The following COL1A1 variants were observed in gnomAD, a reference collection of about 807,000 sequenced individuals.
COL1A1 encodes the protein collagen type I alpha 1 chain.
Under a neutral mutation model 195.7 loss-of-function variants are expected in COL1A1, and 21 were observed. The observed-to-expected ratio is 0.11, with a 90% CI of 0.08 to 0.15. The LOEUF (loss-of-function observed/expected upper bound fraction) is 0.15, where lower values mean the gene tolerates loss of function less well. COL1A1 is among the 10% of genes least tolerant of loss of function. The probability of loss-of-function intolerance (pLI) is 1.00; values close to 1 mark genes in which losing one functional copy is unlikely to be tolerated. For synonymous variants in COL1A1, 749 were observed against 747.3 expected (o/e 1.00, Z -0.04); for missense variants, 1,365 against 2,051.0 (o/e 0.67, Z 6.46).
chr17:50,193,845 G>T, intron 25 of COL1A1, 98 bp downstream of exon 25: 1 of 1,075,114 alleles, frequency 9.3e-7, no homozygotes, highest in Non-Finnish European at 1.4e-6. Flanking sequence ...GTGGCCACAC[G>T]GCAGGTCAGC....
At position 50,189,526 on chromosome 17, in the gene COL1A1, G is replaced by A; in HGVS notation, c.2680C>T (p.Pro894Ser). 6.2e-7 allele frequency: 1 copy of A among 1,613,946 alleles called. No individual in the cohort carries two copies. The highest frequency in any genetic ancestry group is 1.6e-4 in the Middle Eastern group (1 of 6,062). The change falls in exon 39 of 51, where the codon CCC becomes TCC. Residue 894 changes from proline to serine, a missense_variant. Coordinates refer to ENST00000225964, the MANE Select transcript of COL1A1 (RefSeq NM_000088.4). This position sits in a 1 kb window ranked among gnomAD's most constrained non-coding sequence, Gnocchi z 5.5. Reference sequence around the variant, plus strand: ...CCAGCAGGACCAGGAGGGCCAGGGGGTCCAGCATTTCCCTGGATGAGGATA... The same window carrying A: ...CCAGCAGGACCAGGAGGGCCAGGGGATCCAGCATTTCCCTGGATGAGGATA... ...GPPGPSGNAG[P>S]PGPPGPAGKE...
Position 50,188,441 on chromosome 17 carries a change from G to T in COL1A1, c.3207+89C>A. 7.8e-7 allele frequency: 1 copy of T among 1,289,522 alleles called. No homozygotes were observed. The highest frequency in any genetic ancestry group is 1.1e-6 in the Non-Finnish European group (1 of 890,894). 79.9% of individuals were successfully genotyped at this position (1,289,522 alleles called of 1,614,324 possible). A position where few individuals can be genotyped will look rare whatever the true frequency, so the allele number is the denominator to read the frequency against. ...TCTCCTTTCCTCCCCCTGCCTGGGT[G>T]AAGTCCGACACCCATCCCCAGGCCT... On this transcript the variant is annotated intron_variant, in intron 43 of 50. Coordinates refer to ENST00000225964, the MANE Select transcript of COL1A1 (RefSeq NM_000088.4). This position sits in a 1 kb window ranked among gnomAD's most constrained non-coding sequence, Gnocchi z 5.6.
intron 25 of COL1A1, chr17:50,193,481 C>A: frequency 7.3e-6 from 1 of 136,846 alleles, no homozygotes; most frequent in Non-Finnish European, 1.3e-5. Context: ...TTCTTTCTTT[C>A]TTCTTTTTTT....
rs1020865818 is a variant in COL1A1, at chr17:50,187,659, G to A, written c.3370-122C>T. On this transcript the variant is annotated intron_variant, in intron 45 of 50. Coordinates refer to ENST00000225964, the MANE Select transcript of COL1A1 (RefSeq NM_000088.4). Reference sequence around the variant, plus strand: ...GCCCCTTCATTATTCTGGAAATCTAGCCCGAGGGTGTCCATAGGCAGAGAC... The same window carrying A: ...GCCCCTTCATTATTCTGGAAATCTAACCCGAGGGTGTCCATAGGCAGAGAC... 28 of 1,132,552 alleles carry A rather than the reference G, an allele frequency of 2.5e-5. No individual in the cohort carries two copies. In the African/African-American group the frequency reaches 4.1e-4, roughly 17 times the overall value. The allele number at this position is 1,132,552 out of a possible 1,614,324, so 70.2% of individuals were successfully genotyped here. A position where few individuals can be genotyped will look rare whatever the true frequency, so the allele number is the denominator to read the frequency against.
intron 12 of COL1A1, 21 bp from the exon 13 acceptor site, chr17:50,196,549 A>T: frequency 6.2e-7 from 1 of 1,614,176 alleles, no homozygotes. Context: ...GAGAATAATG[A>T]GTGAGAAATT....
At position 50,186,938 on chromosome 17, in the gene COL1A1, A is replaced by C; in HGVS notation, c.3532-16T>G. On this transcript the variant is annotated splice_polypyrimidine_tract_variant and intron_variant, in intron 47 of 50. Transcript: ENST00000225964. The surrounding 1 kb of genome is among the most constrained non-coding windows in gnomAD (Gnocchi z 5.3). ...CGGGGGGACCCTGCACAGAGAGGGA[A>C]GAGAGTGGGGATTACCGGCATCCAA... is the stretch of plus-strand genomic sequence containing the variant. The C allele has an allele frequency of 6.2e-7, 1 of 1,613,428 alleles. No individual in the cohort carries two copies. The highest frequency in any genetic ancestry group is 8.5e-7 in the Non-Finnish European group (1 of 1,179,726).
chr17:50,198,930 T>C (rs1907825577), intron 5 of COL1A1, among the ~76,000 whole-genome samples: 1 of 152,124 alleles, frequency 6.6e-6, no homozygotes, highest in South Asian at 2.1e-4. Context: ...AATCATTGTG[T>C]AGGTCAGTTA....
chr17:50,196,916 A>G (rs541387778), intron 11 of COL1A1, 94 bp downstream of exon 11: 41 of 1,433,566 alleles, frequency 2.9e-5, no homozygotes, highest in Non-Finnish European at 3.9e-5. Flanking sequence ...GCCACCCACC[A>G]TGATGCAACT....
chr17:50,184,406 G>A lies in COL1A1; in HGVS notation c.*1096C>T. 4.3e-6 allele frequency: 1 copy of A among 230,138 alleles called. No individual in the cohort carries two copies. The highest frequency in any genetic ancestry group is 8.6e-6 in the Non-Finnish European group (1 of 116,694). 14.3% of individuals were successfully genotyped at this position (230,138 alleles called of 1,614,324 possible). On this transcript the variant is annotated 3_prime_UTR_variant, in exon 51 of 51. Coordinates refer to ENST00000225964, the MANE Select transcript of COL1A1 (RefSeq NM_000088.4). ...GGGTGGAAAGTGAGCAGCGGGCTGG[G>A]CTGGAGCCGCACACGCTCTCCTCCC...
Position 50,192,680 on chromosome 17 carries a change from T to C in COL1A1, c.1889A>G (p.Glu630Gly). Reference sequence around the variant, plus strand: ...GCCAGCAGGGCCTTGTTCACCTCTCTCGCCAGCGGGACCCTGCACAGAGAG... The same window carrying C: ...GCCAGCAGGGCCTTGTTCACCTCTCCCGCCAGCGGGACCCTGCACAGAGAG... ...GPPGPAGPAG[E>G]RGEQGPAGSP... Residue 630 changes from glutamate (E) to glycine (G), a missense_variant, in exon 28 of 51, where the codon GAG (glutamate) becomes GGG (glycine). Coordinates refer to ENST00000225964, the MANE Select transcript of COL1A1 (RefSeq NM_000088.4). 6.2e-7 allele frequency: 1 copy of C among 1,614,158 alleles called. No homozygotes were observed. Among genetic ancestry groups the C allele is most frequent in the Non-Finnish European group, 8.5e-7 (1 of 1,180,028 alleles).
rs779121150 is a variant in COL1A1 at position 50,186,441 on chromosome 17, T to C, written c.3881A>G (p.Glu1294Gly). ...LDAIKVFCNM[E>G]TGETCVYPTQ... The stretch of plus-strand genomic sequence containing the variant: ...GGGGTACACGCAGGTCTCACCAGTC[T>C]CCATGTTGCAGAAGACTTTGATGGC... Residue 1294 changes from glutamate to glycine, a missense_variant, in exon 49 of 51, where the codon GAG becomes GGG. Physicochemically the swap from Glu to Gly is moderately conservative, Grantham distance 98. Transcript: ENST00000225964. The surrounding 1 kb of genome is among the most constrained non-coding windows in gnomAD (Gnocchi z 5.3). The C allele has an allele frequency of 6.2e-7, 1 of 1,614,154 alleles. No homozygotes were observed. The highest frequency in any genetic ancestry group is 2.2e-5 in the East Asian group (1 of 44,872).
In COL1A1 at chr17:50,185,839, A is replaced by C. The variant is rs1293698570; in HGVS notation, c.4187T>G (p.Ile1396Ser). The change falls in exon 50 of 51, where the codon ATC (isoleucine) becomes AGC (serine). Residue 1396 changes from isoleucine to serine, a missense_variant. Physicochemically the swap from Ile to Ser is moderately radical, Grantham distance 142. Around this residue, in one of 5 missense-constraint regions of COL1A1, gnomAD observed 273 missense variants for 338.6 expected, o/e 0.81. Transcript: ENST00000225964. ...KALLLQGSNEIEIRAEGNSRF... is the reference protein window; with the variant it reads ...KALLLQGSNESEIRAEGNSRF... Reference sequence around the variant, plus strand: ...GCTGTTGCCCTCGGCGCGGATCTCGATCTCGTTGGAGCCCTGGAGGAGCAG... The same window carrying C: ...GCTGTTGCCCTCGGCGCGGATCTCGCTCTCGTTGGAGCCCTGGAGGAGCAG... The C allele has an allele frequency of 6.2e-7, 1 of 1,613,968 alleles. No homozygotes were observed. The highest frequency in any genetic ancestry group is 1.1e-5 in the South Asian group (1 of 91,076).
intron 6 of COL1A1, 72 bp from the exon 7 acceptor site, chr17:50,198,277 C>T (rs1424114155): frequency 1.1e-5 from 17 of 1,584,136 alleles, no homozygotes; most frequent in African/African-American, 1.3e-5. Flanking sequence ...GTCATTCATG[C>T]CTGTTGGGAC....
chr17:50,198,574 A>T, intron 5 of COL1A1, 70 bp from the exon 6 acceptor site: 1 of 1,198,352 alleles, frequency 8.3e-7, no homozygotes, highest in East Asian at 2.4e-5. Context: ...TGAGGATGGA[A>T]GAAACTGACA....
chr17:50,188,616 G>T lies in COL1A1; in HGVS notation c.3121C>A (p.Pro1041Thr). The T allele has an allele frequency of 6.2e-7, 1 of 1,612,884 alleles. No homozygotes were observed. The highest frequency in any genetic ancestry group is 1.1e-5 in the South Asian group (1 of 90,998). The change falls in exon 43 of 51, where the codon CCC becomes ACC. Residue 1041 changes from proline to threonine, a missense_variant. Pro to Thr is a conservative substitution (Grantham distance 38, BLOSUM62 -1). Around this residue, in one of 5 missense-constraint regions of COL1A1, gnomAD observed 671 missense variants for 1,099.9 expected, o/e 0.61. Transcript: ENST00000225964. This position sits in a 1 kb window ranked among gnomAD's most constrained non-coding sequence, Gnocchi z 5.6. ...CCAGGAGCACCAGGGGGTCCAGCGG[G>T]GCCGGTCTCACCACGGTCACCCTGG... ...GAKGDRGETG[P>T]AGPPGAPGAP...
rs1266872462 is a variant in COL1A1, at chr17:50,193,845, G to A, written c.1767+98C>T. ...AGAAAGTGAGAGTGAGTGGCCACAC[G>A]GCAGGTCAGCGGCACAGCTGAGCCC... On this transcript the variant is annotated intron_variant, in intron 25 of 50. Coordinates refer to ENST00000225964, the MANE Select transcript of COL1A1 (RefSeq NM_000088.4). 16 of 1,074,998 alleles carry A rather than the reference G, an allele frequency of 1.5e-5. No individual in the cohort carries two copies. The East Asian group carries it at 2.9e-4, about 20-fold the overall frequency. The allele number at this position is 1,074,998 out of a possible 1,614,324, so 66.6% of individuals were successfully genotyped here.
chr17:50,197,672 C>T, intron 9 of COL1A1, 60 bp downstream of exon 9: 5 of 1,396,930 alleles, frequency 3.6e-6, no homozygotes, highest in Non-Finnish European at 4.9e-6. Flanking sequence ...GTGGAAATTG[C>T]AGGACCCAAC....
chr17:50,200,138 G>C (rs1323409083), intron 1 of COL1A1, 191 bp from the exon 2 acceptor site: 2 of 662,910 alleles, frequency 3.0e-6, no homozygotes, highest in East Asian at 2.7e-5. Context: ...CGCCTGGCCA[G>C]GGAGGCTGTA....
chr17:50,187,660 C>T lies in COL1A1; in HGVS notation c.3370-123G>A, dbSNP rs559800848. 1.4e-5 allele frequency: 16 copies of T among 1,136,176 alleles called. No individual in the cohort carries two copies. In the Admixed American group the frequency reaches 2.3e-4, roughly 16 times the overall value. 70.4% of individuals were successfully genotyped at this position (1,136,176 alleles called of 1,614,324 possible). A position where few individuals can be genotyped will look rare whatever the true frequency, so the allele number is the denominator to read the frequency against. Reference sequence around the variant, plus strand: ...CCCCTTCATTATTCTGGAAATCTAGCCCGAGGGTGTCCATAGGCAGAGACC... The same window carrying T: ...CCCCTTCATTATTCTGGAAATCTAGTCCGAGGGTGTCCATAGGCAGAGACC... On this transcript the variant is annotated intron_variant, in intron 45 of 50. Coordinates refer to ENST00000225964, the MANE Select transcript of COL1A1 (RefSeq NM_000088.4).
Sources: gnomAD v4.1 joint callset for allele counts (sites outside exome capture counted in the v4.1 genomes callset) on GRCh38, gnomAD v4.1.1 for gene constraint, gnomAD v4.1.1 regional missense constraint, Gnocchi (gnomAD v3.1) non-coding constraint, MANE v1.5 for transcripts, NCBI Gene and HGNC (gene_info 2026-07-23, HGNC 2026-07-21) for gene names.